The following CUX1 variants were observed in gnomAD, a reference collection of about 807,000 sequenced individuals.
The protein encoded by CUX1 is protein CASP.
A neutral mutation model predicts 158.8 loss-of-function variants in CUX1; 31 were observed. That is an observed-to-expected ratio of 0.20 (90% confidence interval 0.15 to 0.26). CUX1 has a LOEUF of 0.26. CUX1 is among the 10% of genes least tolerant of loss of function. The probability of loss-of-function intolerance (pLI) is 1.00; values close to 1 mark genes in which losing one functional copy is unlikely to be tolerated. For missense variants in CUX1, 1,589 were observed against 2,014.6 expected (o/e 0.79, Z 4.04); for synonymous variants, 879 against 862.1 (o/e 1.02, Z -0.34).
chr7:102,270,870 C>T (rs927354628), intron 14 of CUX1, among the ~76,000 whole-genome samples: 12 of 152,178 alleles, frequency 7.9e-5, no homozygotes, highest in Non-Finnish European at 1.5e-4. Flanking sequence ...CCTACATACA[C>T]GGCAGGACTG....
At chr7:102,277,596 A>G (rs782244991) in intron 17 of CUX1, among the ~76,000 whole-genome samples, 10 of 152,018 alleles carry the variant, frequency 6.6e-5, no homozygotes, top group South Asian at 2.1e-4. Context: ...GCGAAACTCC[A>G]TATCAAAAAA....
intron 13 of CUX1, 45 bp from the exon 14 acceptor site, chr7:102,195,462 T>G (rs1794696212): frequency 1.3e-6 from 2 of 1,509,040 alleles, no homozygotes; most frequent in African/African-American, 1.4e-5. Flanking sequence ...CGGGAGCGGG[T>G]GAGTGGCCGG....
At chr7:101,974,074 C>CTT (rs1416244437) in intron 2 of CUX1, among the ~76,000 whole-genome samples, 1 of 139,934 alleles carries the variant, frequency 7.1e-6, no homozygotes, top group Admixed American at 7.2e-5. Flanking sequence ...GGCCCAGATT[C>CTT]TTTTTTTTTT....
intron 23 of CUX1, among the ~76,000 whole-genome samples, chr7:102,244,648 C>T (rs1329612100): frequency 1.3e-5 from 2 of 152,146 alleles, no homozygotes; most frequent in Non-Finnish European, 2.9e-5. Context: ...TGTGATCATG[C>T]CATTGCACTC....
At chr7:102,108,736 T>TTTTGTGTGTGTGTGTGTGTGTGTGTGTG (rs10529873) in intron 6 of CUX1, among the ~76,000 whole-genome samples, 1 of 144,968 alleles carries the variant, frequency 6.9e-6, no homozygotes, top group African/African-American at 2.6e-5. Context: ...TTCATTCATT[T>TTTTGTGTGTGTGTGTGTGTGTGTGTGTG]TGTGTGTGTG....
chr7:102,144,567 A>T (rs879969171), intron 8 of CUX1, among the ~76,000 whole-genome samples: 2 of 151,000 alleles, frequency 1.3e-5, no homozygotes, highest in African/African-American at 4.9e-5. Flanking sequence ...GCAACTCAGG[A>T]GGCTGAGGTG....
intron 2 of CUX1, among the ~76,000 whole-genome samples, chr7:101,963,248 G>A (rs1810728706): frequency 6.6e-6 from 1 of 152,128 alleles, no homozygotes; most frequent in Admixed American, 6.5e-5. Context: ...CCCTGTATTT[G>A]GCTCGCCTGT....
intron 2 of CUX1, among the ~76,000 whole-genome samples, chr7:101,967,612 A>G (rs1175442571): frequency 6.6e-6 from 1 of 152,238 alleles, no homozygotes; most frequent in Non-Finnish European, 1.5e-5. Flanking sequence ...GAAAAACTGC[A>G]AACACACATT....
At chr7:102,244,010 G>C (rs538642446) in intron 23 of CUX1, among the ~76,000 whole-genome samples, 32 of 151,902 alleles carry the variant, frequency 2.1e-4, no homozygotes, top group Non-Finnish European at 4.1e-4. Context: ...CTGGGCAACA[G>C]AGCAAAACTC....
chr7:101,994,331 A>G (rs907699128), intron 2 of CUX1, among the ~76,000 whole-genome samples: 1 of 152,240 alleles, frequency 6.6e-6, no homozygotes, highest in Non-Finnish European at 1.5e-5. Flanking sequence ...GGCCAGGGGC[A>G]GTAGCTCATG....
intron 1 of CUX1, among the ~76,000 whole-genome samples, chr7:101,820,487 A>C (rs930187622): frequency 6.6e-6 from 1 of 152,258 alleles, no homozygotes; most frequent in Non-Finnish European, 1.5e-5. Context: ...TACAGGATCC[A>C]GGATCGTGAG....
At chr7:101,936,864 G>A (rs1025672250) in intron 2 of CUX1, among the ~76,000 whole-genome samples, 4 of 152,196 alleles carry the variant, frequency 2.6e-5, no homozygotes, top group Non-Finnish European at 5.9e-5. Flanking sequence ...AGGCACGCAG[G>A]AGCTCCCCCG....
chr7:102,077,518 C>T (rs1279644947), intron 4 of CUX1, among the ~76,000 whole-genome samples: 2 of 131,184 alleles, frequency 1.5e-5, no homozygotes, highest in African/African-American at 5.3e-5. Context: ...AGCAAAACCC[C>T]CCATCTCTTT....
In CUX1 at chr7:102,173,126, G is replaced by A. The variant is rs996369089; in HGVS notation, c.828+2576G>A. On this transcript the variant is annotated intron_variant, in intron 10 of 23. Coordinates refer to ENST00000292535, the MANE Select transcript of CUX1 (RefSeq NM_181552.4). ...TGTAATCCTAGCACTTTGGGGGGCC[G>A]AGGCGGGCAGATCACCTGAGATCAG... Among the ~76,000 whole-genome samples the A allele has an allele frequency of 3.1e-4, 47 of 152,208 alleles. 1 individual carries two copies. The highest frequency in any genetic ancestry group is 3.1e-4 in the Non-Finnish European group (21 of 68,014).
At chr7:101,838,780 G>C (rs1794905074) in intron 1 of CUX1, among the ~76,000 whole-genome samples, 3 of 151,632 alleles carry the variant, frequency 2.0e-5, no homozygotes, top group Admixed American at 2.0e-4. Flanking sequence ...TCCAGCTTTG[G>C]CAACAAAAGT....
intron 3 of CUX1, among the ~76,000 whole-genome samples, chr7:102,068,084 T>TTGC (rs1175668697): frequency 1.3e-5 from 2 of 151,496 alleles, no homozygotes; most frequent in East Asian, 3.9e-4. Flanking sequence ...ACCTTGTTTT[T>TTGC]TGTTGTTGTT....
At chr7:102,004,077 C>T (rs146335680) in intron 2 of CUX1, among the ~76,000 whole-genome samples, 14 of 152,344 alleles carry the variant, frequency 9.2e-5, no homozygotes, top group African/African-American at 2.2e-4. Context: ...TTTACCTGCA[C>T]CTGGATGCAG....
chr7:101,871,869 T>C (rs1275325246), intron 1 of CUX1, among the ~76,000 whole-genome samples: 2 of 151,816 alleles, frequency 1.3e-5, no homozygotes, highest in African/African-American at 4.8e-5. Context: ...AATTAAAAAA[T>C]TGACTGGGCA....
At chr7:102,130,050 A>C (rs1276134051) in intron 8 of CUX1, among the ~76,000 whole-genome samples, 3 of 152,212 alleles carry the variant, frequency 2.0e-5, no homozygotes, top group African/African-American at 7.2e-5. Context: ...GATTTCCTTC[A>C]CGGCTTGTTT....
Sources: gnomAD v4.1 joint callset for allele counts (sites outside exome capture counted in the v4.1 genomes callset) on GRCh38, gnomAD v4.1.1 for gene constraint, MANE v1.5 for transcripts, NCBI Gene and HGNC (gene_info 2026-07-23, HGNC 2026-07-21) for gene names.